Variants in NT5C2 observed in about 807,000 individuals in gnomAD.
NT5C2 encodes the protein 5'-nucleotidase, cytosolic II, also known as cytosolic purine 5'-nucleotidase.
NT5C2 carries 58 observed loss-of-function variants against 76.1 expected under a neutral mutation model. That is an observed-to-expected ratio of 0.76 (90% CI 0.62 to 0.95). NT5C2 has a LOEUF of 0.95. Ranked by LOEUF, NT5C2 falls within the 40% of genes least tolerant of loss-of-function variation. NT5C2 has a pLI of 0.00. For synonymous variants in NT5C2, 229 were observed against 237.4 expected (o/e 0.96, Z 0.32); for missense variants, 478 against 690.3 (o/e 0.69, Z 3.45).
At chr10:103,104,014 C>A (rs928030755) in intron 6 of NT5C2, among the ~76,000 whole-genome samples, 2 of 152,096 alleles carry the variant, frequency 1.3e-5, no homozygotes, top group African/African-American at 4.8e-5. Flanking sequence ...CCACCATGCC[C>A]AGCTAATTTT....
chr10:103,120,741 A>G (rs1021224045), intron 4 of NT5C2, among the ~76,000 whole-genome samples: 1 of 152,236 alleles, frequency 6.6e-6, no homozygotes, highest in Non-Finnish European at 1.5e-5. Flanking sequence ...CAGTTCTTTA[A>G]AAAGCTAAAC....
intron 4 of NT5C2, among the ~76,000 whole-genome samples, chr10:103,112,004 G>C (rs1219991599): frequency 2.0e-5 from 3 of 152,170 alleles, no homozygotes; most frequent in Non-Finnish European, 2.9e-5. Flanking sequence ...GGGTATTGAA[G>C]ATAAGCCTAA....
intron 10 of NT5C2, 163 bp downstream of exon 10, chr10:103,098,768 G>C: frequency 1.7e-6 from 1 of 589,826 alleles, no homozygotes; most frequent in East Asian, 2.9e-5. Context: ...ACTCTACTAA[G>C]ACCTATGCTC....
intron 13 of NT5C2, 113 bp from the exon 14 acceptor site, chr10:103,094,151 C>A: frequency 1.2e-6 from 1 of 829,722 alleles, no homozygotes; most frequent in Non-Finnish European, 2.0e-6. Context: ...GCCAGACAGC[C>A]AAATGAATGG....
chr10:103,183,593 G>A (rs2091596546), intron 1 of NT5C2, among the ~76,000 whole-genome samples: 1 of 143,026 alleles, frequency 7.0e-6, no homozygotes, highest in Non-Finnish European at 1.5e-5. Flanking sequence ...TCAGCTCACT[G>A]CAAGCTCTGC....
intron 4 of NT5C2, among the ~76,000 whole-genome samples, chr10:103,123,802 G>A (rs1202898902): frequency 6.6e-6 from 1 of 151,940 alleles, no homozygotes; most frequent in Non-Finnish European, 1.5e-5. Flanking sequence ...GGATTTCCAA[G>A]CACCAGGAGT....
intron 4 of NT5C2, among the ~76,000 whole-genome samples, chr10:103,132,438 A>C (rs2078371940): frequency 6.6e-6 from 1 of 152,162 alleles, no homozygotes; most frequent in Admixed American, 6.5e-5. Flanking sequence ...ACTGGTGTTA[A>C]TTTCTCAGTT....
At chr10:103,172,851 A>C (rs1439507340) in intron 3 of NT5C2, among the ~76,000 whole-genome samples, 1 of 152,120 alleles carries the variant, frequency 6.6e-6, no homozygotes, top group Non-Finnish European at 1.5e-5. Flanking sequence ...AAAACAAAAA[A>C]ATACAAAAAT....
intron 4 of NT5C2, among the ~76,000 whole-genome samples, chr10:103,112,416 T>A (rs975817076): frequency 2.0e-5 from 3 of 152,218 alleles, no homozygotes; most frequent in African/African-American, 7.2e-5. Context: ...AGGAAATTTT[T>A]AAATTTTGAT....
intron 3 of NT5C2, among the ~76,000 whole-genome samples, chr10:103,146,695 C>G (rs1324204653): frequency 6.6e-6 from 1 of 152,214 alleles, no homozygotes; most frequent in Admixed American, 6.5e-5. Context: ...ATTCTTTCCT[C>G]TTCTTCAAAT....
intron 4 of NT5C2, among the ~76,000 whole-genome samples, chr10:103,135,824 C>T (rs949686066): frequency 1.3e-5 from 2 of 151,840 alleles, no homozygotes; most frequent in African/African-American, 4.8e-5. Flanking sequence ...GTGGCTCATG[C>T]CTGTAATCCC....
chr10:103,189,728 G>C (rs1441472472), intron 1 of NT5C2, among the ~76,000 whole-genome samples: 1 of 151,120 alleles, frequency 6.6e-6, no homozygotes, highest in Non-Finnish European at 1.5e-5. Context: ...GAGTGCAGTG[G>C]CACGATATAG....
intron 3 of NT5C2, chr10:103,153,411 C>T (rs559022711): frequency 3.9e-5 from 44 of 1,141,866 alleles, no homozygotes; most frequent in Non-Finnish European, 4.3e-5. Context: ...AACTCAGGCC[C>T]TGAGAGGCCC....
chr10:103,128,042 G>C (rs899655830), intron 4 of NT5C2, among the ~76,000 whole-genome samples: 19 of 132,758 alleles, frequency 1.4e-4, no homozygotes, highest in Admixed American at 1.3e-3. Flanking sequence ...AAAATGATCC[G>C]GTCTCTCCCT....
At chr10:103,155,185 T>A (rs2083111608) in intron 3 of NT5C2, among the ~76,000 whole-genome samples, 1 of 152,178 alleles carries the variant, frequency 6.6e-6, no homozygotes, top group South Asian at 2.1e-4. Flanking sequence ...AGTGAGAAGG[T>A]CCATTCAAAA....
intron 1 of NT5C2, among the ~76,000 whole-genome samples, chr10:103,184,360 C>G (rs1255462989): frequency 6.6e-6 from 1 of 152,176 alleles, no homozygotes; most frequent in Non-Finnish European, 1.5e-5. Context: ...CTCAATAGTT[C>G]ACACACCAAA....
intron 3 of NT5C2, among the ~76,000 whole-genome samples, chr10:103,163,860 C>CAAAAAAAAAAA (rs1156583063): frequency 1.6e-4 from 8 of 50,278 alleles, no homozygotes; most frequent in African/African-American, 3.9e-4. Context: ...ACTAAAAATA[C>CAAAAAAAAAAA]AAAAAAAAAA....
In NT5C2 at chr10:103,152,674, G is replaced by A. The variant is rs185693784; in HGVS notation, c.102-13195C>T. 3.3e-5 allele frequency among the ~76,000 whole-genome samples: 5 copies of A among 152,262 alleles called. No individual in the cohort carries two copies. In the East Asian group the frequency reaches 9.6e-4, roughly 29 times the overall value. ...CTAGTTATGCCTGAAGGCTAGAAAT[G>A]AAATAACCAACAGTATGCAGTTATT... On this transcript the variant is annotated intron_variant, in intron 3 of 18. Transcript: ENST00000404739.
At position 103,088,326 on chromosome 10, in the gene NT5C2, T is replaced by TAACA. The variant is rs1179808947; in HGVS notation, c.*1342_*1345dup. On this transcript the variant is annotated 3_prime_UTR_variant, in exon 19 of 19. Coordinates refer to ENST00000404739, the MANE Select transcript of NT5C2 (RefSeq NM_001351169.2). ...TACTGGTGAAACAGTTTTAATACCCTAACATACACAGTAATGATTCATTCT... is the reference window on the plus strand; with the variant it reads ...TACTGGTGAAACAGTTTTAATACCCTAACAAACATACACAGTAATGATTCATTCT... The TAACA allele has an allele frequency of 2.0e-5, 3 of 152,376 alleles. No individual in the cohort carries two copies. The highest frequency in any genetic ancestry group is 3.4e-3 in the Middle Eastern group (1 of 294). 9.4% of individuals were successfully genotyped at this position (152,376 alleles called of 1,614,324 possible). A position where few individuals can be genotyped will look rare whatever the true frequency, so the allele number is the denominator to read the frequency against.
Sources: gnomAD v4.1 joint callset for allele counts (sites outside exome capture counted in the v4.1 genomes callset) on GRCh38, gnomAD v4.1.1 for gene constraint, MANE v1.5 for transcripts, NCBI Gene and HGNC (gene_info 2026-07-23, HGNC 2026-07-21) for gene names.